BST1: variants seen among roughly 807,000 people sequenced by gnomAD.
The protein encoded by BST1 is ADP-ribosyl cyclase/cyclic ADP-ribose hydrolase 2.
In BST1, 49 loss-of-function variants were observed where a neutral mutation model predicts 40.6. The observed-to-expected ratio is 1.21, with a 90% CI of 0.96 to 1.53. BST1 has a LOEUF of 1.53. Ranked by LOEUF, BST1 falls within the 40% of genes most tolerant of loss-of-function variation. The pLI is 0.00. For missense variants in BST1, 423 were observed against 395.9 expected (o/e 1.07, Z -0.58); for synonymous variants, 157 against 159.3 (o/e 0.99, Z 0.11).
At chr4:15,729,653 G>C (rs1721282148) in intron 8 of BST1, among the ~76,000 whole-genome samples, 1 of 152,052 alleles carries the variant, frequency 6.6e-6, no homozygotes, top group Admixed American at 6.6e-5. Flanking sequence ...GTAATAACAA[G>C]AATCAATTTT....
At chr4:15,707,855 C>CTCTA (rs544633858) in intron 3 of BST1, among the ~76,000 whole-genome samples, 9,325 of 128,146 alleles carry the variant, frequency 0.073, 353 homozygotes, top group South Asian at 0.12. Context: ...CTCTCTCTCT[C>CTCTA]TATATATATA....
chr4:15,772,650 A>C, the BST1 span, among the ~76,000 whole-genome samples: 95 of 152,340 alleles, frequency 6.2e-4, 1 homozygote, highest in African/African-American at 2.2e-3. Flanking sequence ...GTTGGCATCT[A>C]TGTTATTCAG....
At chr4:15,706,645 A>G (rs916655250) in intron 2 of BST1, among the ~76,000 whole-genome samples, 1 of 152,174 alleles carries the variant, frequency 6.6e-6, no homozygotes, top group African/African-American at 2.4e-5. Flanking sequence ...ATTGTGTGTT[A>G]TTTGTAAAGG....
At chr4:15,771,618 G>A in the BST1 span, among the ~76,000 whole-genome samples, 1 of 152,230 alleles carries the variant, frequency 6.6e-6, no homozygotes, top group African/African-American at 2.4e-5. Context: ...ACTTGAAACT[G>A]TAACTGTGTG....
At chr4:15,753,498 A>G in the BST1 span, among the ~76,000 whole-genome samples, 1 of 152,176 alleles carries the variant, frequency 6.6e-6, no homozygotes, top group Non-Finnish European at 1.5e-5. Context: ...TCCTTGCATA[A>G]TTATTAGTAG....
At chr4:15,713,772 C>T (rs1432420591) in intron 4 of BST1, among the ~76,000 whole-genome samples, 1 of 151,564 alleles carries the variant, frequency 6.6e-6, no homozygotes, top group Non-Finnish European at 1.5e-5. Flanking sequence ...GGTACATTCT[C>T]AGCTCACTGC....
intron 8 of BST1, among the ~76,000 whole-genome samples, chr4:15,724,489 C>G (rs1481237952): frequency 3.3e-5 from 5 of 152,060 alleles, no homozygotes; most frequent in African/African-American, 1.2e-4. Context: ...GAGTTCAAGA[C>G]CTGCCTGACC....
chr4:15,770,019 C>T, the BST1 span, among the ~76,000 whole-genome samples: 1 of 152,048 alleles, frequency 6.6e-6, no homozygotes, highest in Non-Finnish European at 1.5e-5. Context: ...TTTGTATTTT[C>T]AGTAGAGACG....
the BST1 span, among the ~76,000 whole-genome samples, chr4:15,745,805 C>A: frequency 5.3e-5 from 8 of 152,180 alleles, no homozygotes; most frequent in Admixed American, 4.6e-4. Flanking sequence ...AGTCCCAAAT[C>A]TTTGTAGGGT....
At chr4:15,753,874 A>G in the BST1 span, among the ~76,000 whole-genome samples, 1 of 152,198 alleles carries the variant, frequency 6.6e-6, no homozygotes, top group African/African-American at 2.4e-5. Context: ...CCGGAAGGAG[A>G]GAGTCCCATG....
rs76342479 is a variant in BST1 at position 15,715,231 on chromosome 4, T to C, written c.535-54T>C. 3.0e-4 allele frequency: 463 copies of C among 1,520,212 alleles called. 2 individuals carry two copies. The East Asian group carries it at 9.1e-3, about 30-fold the overall frequency. The allele number at this position is 1,520,212 out of a possible 1,614,324, so 94.2% of individuals were successfully genotyped here. A position where few individuals can be genotyped will look rare whatever the true frequency, so the allele number is the denominator to read the frequency against. On this transcript the variant is annotated intron_variant, in intron 4 of 8. Coordinates refer to ENST00000265016, the MANE Select transcript of BST1 (RefSeq NM_004334.3). Reference sequence around the variant, plus strand: ...CAATTTGTAAAAAATGCACATTTCATAGCAGAAAAATGTCACGTCTTTATT... The same window carrying C: ...CAATTTGTAAAAAATGCACATTTCACAGCAGAAAAATGTCACGTCTTTATT...
chr4:15,717,539 A>G (rs770076239), intron 6 of BST1, among the ~76,000 whole-genome samples: 1 of 152,222 alleles, frequency 6.6e-6, no homozygotes, highest in Admixed American at 6.5e-5. Flanking sequence ...TGCCACTCTC[A>G]TACTTTATCA....
intron 3 of BST1, among the ~76,000 whole-genome samples, chr4:15,710,602 C>G (rs1299823680): frequency 6.6e-6 from 1 of 152,134 alleles, no homozygotes; most frequent in East Asian, 1.9e-4. Flanking sequence ...CCCTCTCCAG[C>G]CTCTGGTAGC....
At chr4:15,739,093 A>G (rs1721671182), downstream of BST1, among the ~76,000 whole-genome samples, 3 of 152,218 alleles carry the variant, frequency 2.0e-5, no homozygotes, top group South Asian at 6.2e-4. Flanking sequence ...GGCACCAAAG[A>G]GAAGGGCAAA....
At chr4:15,737,626 A>G (rs1721617604), downstream of BST1, among the ~76,000 whole-genome samples, 1 of 151,440 alleles carries the variant, frequency 6.6e-6, no homozygotes, top group Non-Finnish European at 1.5e-5. Context: ...TGACCAAAAG[A>G]GAAATGCACA....
chr4:15,705,715 G>A, intron 2 of BST1, 74 bp downstream of exon 2: 1 of 1,547,462 alleles, frequency 6.5e-7, no homozygotes, highest in Admixed American at 1.7e-5. Flanking sequence ...GGGCCAGGTT[G>A]ACATTAGCTG....
chr4:15,714,509 C>G (rs1030335758), intron 4 of BST1, among the ~76,000 whole-genome samples: 3 of 152,196 alleles, frequency 2.0e-5, no homozygotes, highest in African/African-American at 7.2e-5. Flanking sequence ...ATTGCAAATA[C>G]TTTGTATACA....
intron 4 of BST1, among the ~76,000 whole-genome samples, chr4:15,713,682 C>A (rs958402853): frequency 4.6e-5 from 7 of 152,006 alleles, no homozygotes; most frequent in African/African-American, 7.2e-5. Flanking sequence ...AGCCTTATTG[C>A]ATTGGCATAC....
downstream of BST1, chr4:15,735,994 T>A (rs1721546646): frequency 2.8e-6 from 3 of 1,061,204 alleles, no homozygotes. Context: ...TCTGTCATAC[T>A]GCACGCAGAG....
Sources: allele counts gnomAD v4.1 joint callset (sites outside exome capture counted in the v4.1 genomes callset), GRCh38; gene constraint gnomAD v4.1.1; transcripts MANE v1.5; gene names NCBI Gene and HGNC (gene_info 2026-07-23, HGNC 2026-07-21).